Variants in PLXNA4 observed in about 807,000 individuals in gnomAD.
PLXNA4 encodes plexin-A4.
In PLXNA4, 44 loss-of-function variants were observed where a neutral mutation model predicts 191.8. The observed-to-expected ratio is 0.23, with a 90% CI of 0.18 to 0.29. The LOEUF is 0.29. Ranked by LOEUF, PLXNA4 falls within the 10% of genes least tolerant of loss-of-function variation. PLXNA4 has a pLI of 1.00. For synonymous variants in PLXNA4, 1,082 were observed against 1,009.5 expected (o/e 1.07, Z -1.36); for missense variants, 1,800 against 2,488.8 (o/e 0.72, Z 5.89).
intron 3 of PLXNA4, among the ~76,000 whole-genome samples, chr7:132,463,175 A>G (rs1010824915): frequency 6.6e-6 from 1 of 152,104 alleles, no homozygotes; most frequent in Non-Finnish European, 1.5e-5. Flanking sequence ...AAAACAATCA[A>G]CATTATAAAA....
chr7:132,517,399 G>T (rs1798984105), intron 1 of PLXNA4, among the ~76,000 whole-genome samples: 1 of 152,226 alleles, frequency 6.6e-6, no homozygotes, highest in African/African-American at 2.4e-5. Flanking sequence ...AGGCCCTATA[G>T]GATGGTGGAG....
chr7:132,199,843 C>T (rs1471845250), intron 12 of PLXNA4, among the ~76,000 whole-genome samples: 1 of 152,222 alleles, frequency 6.6e-6, no homozygotes, highest in Admixed American at 6.5e-5. Context: ...TCCTACACAT[C>T]CCCGTGAGGG....
At position 132,126,733 on chromosome 7, in the gene PLXNA4, A is replaced by G. The variant is rs1402867885; in HGVS notation, c.*3746T>C. ...ACTTGTAGCTCCTCACAAGCAGCCA[A>G]GCTCACTTACCAGGCTGCGGGTGCA... On this transcript the variant is annotated 3_prime_UTR_variant, in exon 32 of 32. Transcript: ENST00000321063. The G allele has an allele frequency of 1.3e-5, 2 of 152,402 alleles. No individual in the cohort carries two copies. The highest frequency in any genetic ancestry group is 3.9e-4 in the East Asian group (2 of 5,178). The allele number at this position is 152,402 out of a possible 1,614,324, so 9.4% of individuals were successfully genotyped here.
chr7:132,232,465 C>A (rs574748271), intron 5 of PLXNA4, among the ~76,000 whole-genome samples: 2 of 152,318 alleles, frequency 1.3e-5, no homozygotes, highest in East Asian at 3.9e-4. Context: ...CAAGAGGACA[C>A]ACCAGACCCC....
chr7:132,158,583 T>C (rs1166371017), intron 25 of PLXNA4, among the ~76,000 whole-genome samples: 3 of 152,234 alleles, frequency 2.0e-5, no homozygotes, highest in Non-Finnish European at 4.4e-5. Flanking sequence ...CGCTTTTACA[T>C]GCATGATCTC....
intron 20 of PLXNA4, among the ~76,000 whole-genome samples, chr7:132,178,934 T>TAC (rs139917472): frequency 0.053 from 5,008 of 94,332 alleles, 707 homozygotes; most frequent in African/African-American, 0.18. Context: ...CACATACGCA[T>TAC]ACACACACGT....
chr7:132,563,217 CCT>C (rs1801415098), intron 1 of PLXNA4, among the ~76,000 whole-genome samples: 1 of 107,238 alleles, frequency 9.3e-6, no homozygotes, highest in Non-Finnish European at 1.9e-5. Context: ...TCCTCCTCCT[CCT>C]TCTCCTCCTC....
At chr7:132,472,671 C>A (rs192462521) in intron 3 of PLXNA4, among the ~76,000 whole-genome samples, 1 of 152,308 alleles carries the variant, frequency 6.6e-6, no homozygotes, top group Non-Finnish European at 1.5e-5. Context: ...GCAGAACAGC[C>A]CCAGGGCTCA....
At chr7:132,369,794 C>T (rs539673072) in intron 3 of PLXNA4, among the ~76,000 whole-genome samples, 5 of 151,798 alleles carry the variant, frequency 3.3e-5, no homozygotes, top group South Asian at 2.1e-4. Flanking sequence ...TGCGGCCGGG[C>T]GCGGTGCCTC....
rs942814345 is a variant in PLXNA4 at position 132,414,763 on chromosome 7, C to T, written c.1371+74529G>A. On this transcript the variant is annotated intron_variant, in intron 3 of 31. Transcript: ENST00000321063. ...AACAGAGACACTGGCAAGAGGCGTA[C>T]GTATCATGAGAGGCATAGGATGTGC... is the stretch of plus-strand genomic sequence containing the variant. Among the ~76,000 whole-genome samples the T allele has an allele frequency of 7.9e-5, 12 of 152,252 alleles. No individual in the cohort carries two copies. In the East Asian group the frequency reaches 1.2e-3, roughly 15 times the overall value.
At chr7:132,430,083 C>T (rs1795203530) in intron 3 of PLXNA4, among the ~76,000 whole-genome samples, 1 of 152,176 alleles carries the variant, frequency 6.6e-6, no homozygotes. Context: ...GACCAACATC[C>T]TGAGTTTCTA....
chr7:132,247,294 C>G (rs2117062535), intron 4 of PLXNA4, among the ~76,000 whole-genome samples: 1 of 152,258 alleles, frequency 6.6e-6, no homozygotes, highest in Middle Eastern at 3.4e-3. Flanking sequence ...CATTTCTACT[C>G]TTATAATTGG....
intron 4 of PLXNA4, among the ~76,000 whole-genome samples, chr7:132,259,709 C>T (rs988156354): frequency 2.6e-5 from 4 of 152,050 alleles, no homozygotes; most frequent in African/African-American, 7.2e-5. Flanking sequence ...ATTGCCAACA[C>T]TTGGAAGCGA....
intron 3 of PLXNA4, among the ~76,000 whole-genome samples, chr7:132,438,569 G>A (rs766469579): frequency 3.9e-5 from 6 of 152,186 alleles, no homozygotes; most frequent in Non-Finnish European, 5.9e-5. Context: ...GATAATCTCA[G>A]TATTAGTCTA....
intron 4 of PLXNA4, among the ~76,000 whole-genome samples, chr7:132,281,875 T>C (rs7811737): frequency 0.011 from 1,636 of 152,348 alleles, 24 homozygotes; most frequent in African/African-American, 0.037. Context: ...TGGTCACTTG[T>C]ACATCATTGC....
intron 4 of PLXNA4, among the ~76,000 whole-genome samples, chr7:132,254,337 G>A (rs181614640): frequency 0.014 from 2,157 of 152,306 alleles, 21 homozygotes; most frequent in Middle Eastern, 0.024. Flanking sequence ...AACCACTAGA[G>A]TTTACTGTGG....
rs191325067 is a variant in PLXNA4, at chr7:132,499,416, T to C, written c.1188+8090A>G. On this transcript the variant is annotated intron_variant, in intron 2 of 31. Coordinates refer to ENST00000321063, the MANE Select transcript of PLXNA4 (RefSeq NM_020911.2). ...GAAATCCCAGGGAAGTTTCTCAGCA[T>C]TGCGAATGGTAACAACCAAAACCTA... Among the ~76,000 whole-genome samples the C allele has an allele frequency of 4.3e-3, 655 of 152,338 alleles. 2 individuals carry two copies. The highest frequency in any genetic ancestry group is 0.037 in the Middle Eastern group (11 of 294).
In PLXNA4 at chr7:132,134,168, C is replaced by T. The variant is rs758769332; in HGVS notation, c.5439-969G>A. ...AAAGGCACTCACTCTTGGGGTTGTG[C>T]AAGTATTGGTGACAATGACAGACCC... On this transcript the variant is annotated intron_variant, in intron 30 of 31. Coordinates refer to ENST00000321063, the MANE Select transcript of PLXNA4 (RefSeq NM_020911.2). Among the ~76,000 whole-genome samples the T allele has an allele frequency of 1.3e-5, 2 of 152,176 alleles. 1 individual carries two copies. The highest frequency in any genetic ancestry group is 4.1e-4 in the South Asian group (2 of 4,828).
chr7:132,376,681 C>T (rs1030114100), intron 3 of PLXNA4, among the ~76,000 whole-genome samples: 1 of 152,222 alleles, frequency 6.6e-6, no homozygotes, highest in African/African-American at 2.4e-5. Flanking sequence ...TTTCTCCACC[C>T]TGCAGTGGAG....
Sources: allele counts gnomAD v4.1 joint callset (sites outside exome capture counted in the v4.1 genomes callset), GRCh38; gene constraint gnomAD v4.1.1; transcripts MANE v1.5; gene names NCBI Gene and HGNC (gene_info 2026-07-23, HGNC 2026-07-21).